Variants in SLC46A1 observed in about 807,000 individuals in gnomAD.
SLC46A1 encodes the protein proton-coupled folate transporter.
Under a neutral mutation model 32.1 loss-of-function variants are expected in SLC46A1, and 17 were observed. The ratio of observed to expected loss-of-function variants is 0.53; its 90% CI spans 0.36 to 0.79. The LOEUF is 0.79. Among genes scored for constraint, SLC46A1 ranks in the 30% least tolerant of loss-of-function variants. The pLI is 0.00. For synonymous variants in SLC46A1, 240 were observed against 262.7 expected (o/e 0.91, Z 0.84); for missense variants, 517 against 588.2 (o/e 0.88, Z 1.25).
Position 28,404,988 on chromosome 17 carries a change from G to C in SLC46A1, c.709C>G (p.Pro237Ala). The change falls in exon 2 of 5, where the codon CCA becomes GCA. Residue 237 changes from proline (P) to alanine (A), a missense_variant. Pro to Ala is a conservative substitution (Grantham distance 27, BLOSUM62 -1). Transcript: ENST00000612814. ...AFCFGETLKEPKSTRLFTFRH... is the reference protein window; with the variant it reads ...AFCFGETLKEAKSTRLFTFRH... ...AACGTGAAGAGCCGGGTGGACTTTG[G>C]CTCCTTTAAGGTCTCACCAAAGCAG... 6.2e-7 allele frequency: 1 copy of C among 1,614,020 alleles called. No homozygotes were observed. The highest frequency in any genetic ancestry group is 1.3e-5 in the African/African-American group (1 of 75,044).
chr17:28,396,259 G>C lies in SLC46A1; in HGVS notation c.*3397C>G. On this transcript the variant is annotated 3_prime_UTR_variant, in exon 5 of 5. Coordinates refer to ENST00000612814, the MANE Select transcript of SLC46A1 (RefSeq NM_080669.6). ...CTGCAGGCTCTGACACCAGTTTGGA[G>C]GGTGCTGCACCCATGGGTCCAACCT... 6.2e-7 allele frequency: 1 copy of C among 1,613,996 alleles called. No individual in the cohort carries two copies. The highest frequency in any genetic ancestry group is 1.7e-4 in the Middle Eastern group (1 of 6,054).
rs1555591362 is a variant in SLC46A1 at position 28,406,075 on chromosome 17, G to A, written c.40C>T (p.Arg14Cys). 32 of 1,585,974 alleles carry A rather than the reference G, an allele frequency of 2.0e-5. No homozygotes were observed. The highest frequency in any genetic ancestry group is 2.7e-5 in the Non-Finnish European group (31 of 1,168,584). ...CGGCACAGCACGGCAGCCGCAGGGC[G>A]GGCGCGGGGCTTTTCCGGGGGGCTC... ...SASPPEKPRA[R>C]PAAAVLCRGP... is the part of the protein sequence containing the mutation. Residue 14 changes from arginine (R) to cysteine (C), a missense_variant, in exon 1 of 5, where the codon CGC becomes TGC. By Grantham distance (180) the Arg-to-Cys change is radical (BLOSUM62 -3). Coordinates refer to ENST00000612814, the MANE Select transcript of SLC46A1 (RefSeq NM_080669.6). The surrounding 1 kb of genome is among the most constrained non-coding windows in gnomAD (Gnocchi z 4.5).
At position 28,404,889 on chromosome 17, in the gene SLC46A1, A is replaced by G; in HGVS notation, c.808T>C (p.Tyr270His). The change falls in exon 2 of 5, where the codon TAC (tyrosine) becomes CAC (histidine). Residue 270 changes from tyrosine (Y) to histidine (H), a missense_variant. Tyr to His is a moderately conservative substitution (Grantham distance 83). Coordinates refer to ENST00000612814, the MANE Select transcript of SLC46A1 (RefSeq NM_080669.6). ...PEKSRKHLAL[Y>H]SLAIFVVITV... ...ATCACCACGAAGATGGCCAGTGAGT[A>G]GAGGGCTAAATGTTTCCTGGACTTC... The G allele has an allele frequency of 1.2e-6, 2 of 1,614,050 alleles. No homozygotes were observed. The highest frequency in any genetic ancestry group is 1.7e-6 in the Non-Finnish European group (2 of 1,179,894).
chr17:28,400,917 CAA>C, intron 3 of SLC46A1, 151 bp from the exon 4 acceptor site: 1 of 734,606 alleles, frequency 1.4e-6, no homozygotes, highest in East Asian at 2.7e-5. Context: ...TGTACTGTGA[CAA>C]GGATTCAGTA....
rs2068153006 is a variant in SLC46A1 at position 28,398,079 on chromosome 17, C to G, written c.*1577G>C. ...CACAAGTGCTCACCGGGGCCAGAGCCAGGGCATGGATATGACAAGCAGGGC... is the reference window on the plus strand; with the variant it reads ...CACAAGTGCTCACCGGGGCCAGAGCGAGGGCATGGATATGACAAGCAGGGC... On this transcript the variant is annotated 3_prime_UTR_variant, in exon 5 of 5. Transcript: ENST00000612814. 1 of 152,690 alleles carries G rather than the reference C, an allele frequency of 6.5e-6. No homozygotes were observed. Among genetic ancestry groups the G allele is most frequent in the African/African-American group, 2.4e-5 (1 of 41,598 alleles). The allele number at this position is 152,690 out of a possible 1,614,324, so 9.5% of individuals were successfully genotyped here. A position where few individuals can be genotyped will look rare whatever the true frequency, so the allele number is the denominator to read the frequency against.
chr17:28,399,756 C>A (rs782584154), intron 4 of SLC46A1, 43 bp from the exon 5 acceptor site: 2 of 1,605,694 alleles, frequency 1.2e-6, no homozygotes, highest in East Asian at 4.5e-5. Flanking sequence ...ATGTGGGGAA[C>A]CCTCAAGGCC....
At position 28,405,149 on chromosome 17, in the gene SLC46A1, A is replaced by C; in HGVS notation, c.548T>G (p.Leu183Arg). The C allele has an allele frequency of 6.2e-7, 1 of 1,612,122 alleles. No homozygotes were observed. Among genetic ancestry groups the C allele is most frequent in the Non-Finnish European group, 8.5e-7 (1 of 1,178,812 alleles). ...SSRSRTFRMA[L>R]LEASIGVAGM... ...AGCCACCCCGATGCTGGCTTCCAGC[A>C]GGGCCATCCGGAAGGTGCGGCTGCG... is the stretch of plus-strand genomic sequence containing the variant. The change falls in exon 2 of 5, where the codon CTG becomes CGG. Residue 183 changes from leucine to arginine, a missense_variant. Physicochemically the swap from Leu to Arg is moderately radical, Grantham distance 102. Coordinates refer to ENST00000612814, the MANE Select transcript of SLC46A1 (RefSeq NM_080669.6).
chr17:28,398,933 G>T lies in SLC46A1; in HGVS notation c.*723C>A, dbSNP rs1035605891. 6.6e-6 allele frequency: 1 copy of T among 152,274 alleles called. No individual in the cohort carries two copies. The highest frequency in any genetic ancestry group is 1.5e-5 in the Non-Finnish European group (1 of 68,096). The allele number at this position is 152,274 out of a possible 1,614,324, so 9.4% of individuals were successfully genotyped here. A position where few individuals can be genotyped will look rare whatever the true frequency, so the allele number is the denominator to read the frequency against. On this transcript the variant is annotated 3_prime_UTR_variant, in exon 5 of 5. Coordinates refer to ENST00000612814, the MANE Select transcript of SLC46A1 (RefSeq NM_080669.6). Reference sequence around the variant, plus strand: ...GTACCAATCCACCAGGCAGCTCAGGGCTCCTGCCCAGCCCAGCAGCTTCTG... The same window carrying T: ...GTACCAATCCACCAGGCAGCTCAGGTCTCCTGCCCAGCCCAGCAGCTTCTG...
In SLC46A1 at chr17:28,405,048, C is replaced by A. The variant is rs781792853; in HGVS notation, c.649G>T (p.Ala217Ser). The A allele has an allele frequency of 3.7e-6, 6 of 1,613,990 alleles. No homozygotes were observed. Among genetic ancestry groups the A allele is most frequent in the Non-Finnish European group, 4.2e-6 (5 of 1,179,888 alleles). ...TAGAGAGTCATGGCTATCAGCAAGG[C>A]CAAGGCCAGCCAGAAGGGGTTGGCA... ...GYANPFWLAL[A>S]LLIAMTLYAA... Residue 217 changes from alanine to serine, a missense_variant, in exon 2 of 5, where the codon GCC becomes TCC. Ala to Ser is a moderately conservative substitution (Grantham distance 99). Transcript: ENST00000612814.
intron 2 of SLC46A1, 163 bp downstream of exon 2, chr17:28,404,453 T>G: frequency 1.1e-6 from 1 of 872,844 alleles, no homozygotes; most frequent in Non-Finnish European, 1.8e-6. Flanking sequence ...AAGATGGCAT[T>G]TTTGAGGGAT....
In SLC46A1 at chr17:28,396,197, A is replaced by G. The variant is rs782022324; in HGVS notation, c.*3459T>C. 8.1e-6 allele frequency: 13 copies of G among 1,613,960 alleles called. No homozygotes were observed. Among genetic ancestry groups the G allele is most frequent in the African/African-American group, 1.3e-5 (1 of 75,042 alleles). On this transcript the variant is annotated 3_prime_UTR_variant, in exon 5 of 5. Coordinates refer to ENST00000612814, the MANE Select transcript of SLC46A1 (RefSeq NM_080669.6). ...CCAGGAGGCCACCATTGAGAAGATC[A>G]TCCGCTTCCTGCAGGGCCGCTCCTC...
Position 28,399,349 on chromosome 17 carries a change from C to G in SLC46A1, c.*307G>C. Reference sequence around the variant, plus strand: ...AAGTGTCACCTCTCTCAGGACCTCTCCTCTGGCCTGTGGGGTTATAAGTGA... The same window carrying G: ...AAGTGTCACCTCTCTCAGGACCTCTGCTCTGGCCTGTGGGGTTATAAGTGA... On this transcript the variant is annotated 3_prime_UTR_variant, in exon 5 of 5. Coordinates refer to ENST00000612814, the MANE Select transcript of SLC46A1 (RefSeq NM_080669.6). 2.7e-6 allele frequency: 1 copy of G among 371,588 alleles called. No individual in the cohort carries two copies. The highest frequency in any genetic ancestry group is 5.0e-6 in the Non-Finnish European group (1 of 198,244). 23.0% of individuals were successfully genotyped at this position (371,588 alleles called of 1,614,324 possible). A position where few individuals can be genotyped will look rare whatever the true frequency, so the allele number is the denominator to read the frequency against.
rs1555590632 is a variant in SLC46A1, at chr17:28,404,975, C to A, written c.722G>T (p.Arg241Leu). ...GETLKEPKST[R>L]LFTFRHHRSI... ...TCGGTGGTGACGGAACGTGAAGAGC[C>A]GGGTGGACTTTGGCTCCTTTAAGGT... The change falls in exon 2 of 5, where the codon CGG (arginine) becomes CTG (leucine). Residue 241 changes from arginine (R) to leucine (L), a missense_variant. Transcript: ENST00000612814. The A allele has an allele frequency of 6.2e-7, 1 of 1,613,854 alleles. No homozygotes were observed. Among genetic ancestry groups the A allele is most frequent in the Non-Finnish European group, 8.5e-7 (1 of 1,179,892 alleles).
chr17:28,400,267 A>G (rs1436668977), intron 4 of SLC46A1: 2 of 297,452 alleles, frequency 6.7e-6, no homozygotes, highest in Non-Finnish European at 6.4e-6. Flanking sequence ...AGCCACAACT[A>G]GCTGACAAAG....
rs1555590800 is a variant in SLC46A1 at position 28,405,200 on chromosome 17, G to C, written c.497C>G (p.Ala166Gly). 1 of 1,601,212 alleles carries C rather than the reference G, an allele frequency of 6.2e-7. No individual in the cohort carries two copies. The highest frequency in any genetic ancestry group is 8.5e-7 in the Non-Finnish European group (1 of 1,174,096). ...ACTGGAGCTGACATCTGCCACGGACGCAAAGCTAGCAGCCAGAAGGCCACC... is the reference window on the plus strand; with the variant it reads ...ACTGGAGCTGACATCTGCCACGGACCCAAAGCTAGCAGCCAGAAGGCCACC... ...DFGGLLAASF[A>G]SVADVSSSRS... is the part of the protein sequence containing the mutation. The change falls in exon 2 of 5, where the codon GCG (alanine) becomes GGG (glycine). Residue 166 changes from alanine (A) to glycine (G), a missense_variant. Coordinates refer to ENST00000612814, the MANE Select transcript of SLC46A1 (RefSeq NM_080669.6).
intron 2 of SLC46A1, chr17:28,402,673 C>G (rs1379239031): frequency 9.8e-6 from 2 of 205,022 alleles, no homozygotes; most frequent in African/African-American, 4.6e-5. Context: ...AGTTCAAAAC[C>G]TGATGCCATT....
In SLC46A1 at chr17:28,395,817, G is replaced by A. The variant is rs1350781942; in HGVS notation, c.*3839C>T. ...GGTGTCCTGCCCTGGGCCCAGCCTCGGGCCAGTGGGCCTCCCAGCACCTGC... is the reference window on the plus strand; with the variant it reads ...GGTGTCCTGCCCTGGGCCCAGCCTCAGGCCAGTGGGCCTCCCAGCACCTGC... On this transcript the variant is annotated 3_prime_UTR_variant, in exon 5 of 5. Transcript: ENST00000612814. 35 of 1,518,548 alleles carry A rather than the reference G, an allele frequency of 2.3e-5. No individual in the cohort carries two copies. The highest frequency in any genetic ancestry group is 1.8e-4 in the African/African-American group (13 of 73,144). The allele number at this position is 1,518,548 out of a possible 1,614,324, so 94.1% of individuals were successfully genotyped here.
rs1555589764 is a variant in SLC46A1, at chr17:28,402,231, C to T, written c.1165+7G>A. ...GGAACCAGACACAGGTGGGTTCTGA[C>T]ACTCACCCTGCTCTGTCTCTCTCAC... On this transcript the variant is annotated splice_region_variant and intron_variant, in intron 3 of 4. Coordinates refer to ENST00000612814, the MANE Select transcript of SLC46A1 (RefSeq NM_080669.6). The T allele has an allele frequency of 6.2e-7, 1 of 1,611,094 alleles. No homozygotes were observed. The highest frequency in any genetic ancestry group is 1.3e-5 in the African/African-American group (1 of 74,910).
At chr17:28,404,447 TG>T in intron 2 of SLC46A1, 168 bp downstream of exon 2, 1 of 808,374 alleles carries the variant, frequency 1.2e-6, no homozygotes, top group Non-Finnish European at 2.0e-6. Context: ...GTATCAAAGA[TG>T]GCATTTTTGA....
Sources: allele counts gnomAD v4.1 joint callset, GRCh38; gene constraint gnomAD v4.1.1; non-coding constraint Gnocchi (gnomAD v3.1); transcripts MANE v1.5; gene names NCBI Gene and HGNC (gene_info 2026-07-23, HGNC 2026-07-21).